Variants in PCNX2 observed in about 807,000 individuals in gnomAD.
PCNX2 encodes the protein pecanex-like protein 2.
Under a neutral mutation model 223.8 loss-of-function variants are expected in PCNX2, and 168 were observed. The observed-to-expected ratio is 0.75, with a 90% confidence interval of 0.66 to 0.85. The LOEUF (loss-of-function observed/expected upper bound fraction) is 0.85. PCNX2 is among the 40% of genes least tolerant of loss of function. The probability of loss-of-function intolerance (pLI) is 0.00; values close to 1 mark genes in which losing one functional copy is unlikely to be tolerated. For missense variants in PCNX2, 2,507 were observed against 2,675.5 expected, an observed-to-expected ratio of 0.94 and a Z score of 1.39; for synonymous variants, 1,006 against 1,052.6, an observed-to-expected ratio of 0.96 and a Z score of 0.86.
At chr1:233,172,541 GAGT>G (rs1351138046) in intron 17 of PCNX2, 42 of 985,292 alleles carry the variant, frequency 4.3e-5, no homozygotes, top group Non-Finnish European at 1.2e-6. Flanking sequence ...CTCACTCTGA[GAGT>G]GTGGCACTTT....
chr1:233,187,184 T>A (rs1010397128), intron 15 of PCNX2, among the ~76,000 whole-genome samples: 5 of 152,254 alleles, frequency 3.3e-5, no homozygotes, highest in African/African-American at 1.2e-4. Context: ...ACGTAGTTTT[T>A]AAAACACATC....
At chr1:233,240,102 A>G (rs1050630985) in intron 8 of PCNX2, among the ~76,000 whole-genome samples, 3 of 152,214 alleles carry the variant, frequency 2.0e-5, no homozygotes, top group Non-Finnish European at 4.4e-5. Flanking sequence ...GGAAATGGTT[A>G]CATGCTTACA....
At chr1:233,272,630 G>C (rs1354375384) in intron 1 of PCNX2, among the ~76,000 whole-genome samples, 1 of 152,154 alleles carries the variant, frequency 6.6e-6, no homozygotes, top group Non-Finnish European at 1.5e-5. Context: ...TGATCCAGCA[G>C]TCCCACTACT....
At chr1:233,112,708 T>TCGGTG in intron 21 of PCNX2, 1 of 736,172 alleles carries the variant, frequency 1.4e-6, no homozygotes, top group Non-Finnish European at 1.8e-6. Context: ...TGTGTAGATC[T>TCGGTG]TTGAACAATA....
rs756055087 is a variant in PCNX2, at chr1:232,986,178, C to T, written c.6154G>A (p.Gly2052Arg). The change falls in exon 33 of 34, where the codon GGG becomes AGG. Residue 2052 changes from glycine (G) to arginine (R), a missense_variant. Physicochemically the swap from Gly to Arg is moderately radical, Grantham distance 125 (BLOSUM62 -2). Coordinates refer to ENST00000258229, the MANE Select transcript of PCNX2 (RefSeq NM_014801.4). The part of the protein sequence containing the change: ...LVISGLSAAE[G>R]GNTSDTQSSS... ...GACTGGGTGTCACTGGTATTGCCCCCCTCCGCAGCAGAGAGTCCGGAAATG... is the reference window on the plus strand; with the variant it reads ...GACTGGGTGTCACTGGTATTGCCCCTCTCCGCAGCAGAGAGTCCGGAAATG... 1 of 1,563,158 alleles carries T rather than the reference C, an allele frequency of 6.4e-7. No individual in the cohort carries two copies. The highest frequency in any genetic ancestry group is 8.7e-7 in the Non-Finnish European group (1 of 1,153,006).
At chr1:233,010,233 T>A (rs1670420120) in intron 28 of PCNX2, among the ~76,000 whole-genome samples, 1 of 152,188 alleles carries the variant, frequency 6.6e-6, no homozygotes, top group Non-Finnish European at 1.5e-5. Flanking sequence ...GAAGAGAATA[T>A]TTCCTCAACA....
intron 17 of PCNX2, among the ~76,000 whole-genome samples, chr1:233,170,263 C>T (rs750640811): frequency 1.3e-5 from 2 of 152,152 alleles, no homozygotes; most frequent in Non-Finnish European, 2.9e-5. Context: ...CACACTCCCA[C>T]CAGCAATACA....
intron 21 of PCNX2, among the ~76,000 whole-genome samples, chr1:233,119,336 G>A (rs954734293): frequency 7.1e-6 from 1 of 140,034 alleles, no homozygotes; most frequent in African/African-American, 2.6e-5. Flanking sequence ...GAGGTGGGCG[G>A]ATCATGAGGT....
intron 1 of PCNX2, among the ~76,000 whole-genome samples, chr1:233,267,071 C>A (rs1185572763): frequency 1.3e-5 from 2 of 152,060 alleles, no homozygotes; most frequent in Admixed American, 1.3e-4. Flanking sequence ...GTAATCCCAG[C>A]ACTTTGGGAG....
At position 233,179,071 on chromosome 1, in the gene PCNX2, T is replaced by A; in HGVS notation, c.3171A>T (p.Val1057=). The change falls in exon 16 of 34, where the codon GTA becomes GTT. Residue 1057 remains valine, a synonymous_variant. Transcript: ENST00000258229. The part of the protein sequence containing the change: ...HLSRQSSDPS[V]LMSFIQCRLF... The stretch of plus-strand genomic sequence containing the variant: ...CACAGGCATAGACCACTCACATGAG[T>A]ACAGATGGGTCACTGCTCTGACGGC... 6.2e-7 allele frequency: 1 copy of A among 1,613,422 alleles called. No individual in the cohort carries two copies. The highest frequency in any genetic ancestry group is 8.5e-7 in the Non-Finnish European group (1 of 1,179,630).
intron 13 of PCNX2, among the ~76,000 whole-genome samples, chr1:233,201,309 C>T (rs1681099538): frequency 6.6e-6 from 1 of 151,934 alleles, no homozygotes. Flanking sequence ...AAGATTTCAA[C>T]TATATTGTAA....
chr1:233,165,411 A>C (rs1678731641), intron 17 of PCNX2, among the ~76,000 whole-genome samples: 1 of 152,158 alleles, frequency 6.6e-6, no homozygotes, highest in African/African-American at 2.4e-5. Flanking sequence ...CCAGGGATGC[A>C]GCCAAACATC....
chr1:233,259,043 G>A lies in PCNX2; in HGVS notation c.819C>T (p.Phe273=), dbSNP rs751193712. Residue 273 remains phenylalanine (F), a synonymous_variant, in exon 5 of 34, where the codon TTC becomes TTT. Transcript: ENST00000258229. ...CTGAATTCTCACTCCCCCACGGCTG[G>A]AAAGAAACGTCTGTTTCTAGTAAGT... ...QYDLLETDVS[F]QPWGSENSVL... is the part of the protein sequence containing the mutation. 8.9e-5 allele frequency: 143 copies of A among 1,613,992 alleles called. 2 individuals are homozygous for A. The South Asian group carries it at 1.5e-3, about 17-fold the overall frequency.
chr1:233,273,410 C>A (rs186648034), intron 1 of PCNX2, among the ~76,000 whole-genome samples: 78 of 152,108 alleles, frequency 5.1e-4, no homozygotes, highest in African/African-American at 1.9e-3. Flanking sequence ...AAGCTCCATG[C>A]CCACCTGCAG....
At chr1:233,013,039 G>A (rs559797091) in intron 28 of PCNX2, among the ~76,000 whole-genome samples, 2 of 152,194 alleles carry the variant, frequency 1.3e-5, no homozygotes, top group South Asian at 4.2e-4. Flanking sequence ...TTAGACCTGC[G>A]GCAATCATCA....
At chr1:233,221,515 T>A (rs1166710950) in intron 10 of PCNX2, among the ~76,000 whole-genome samples, 1 of 152,206 alleles carries the variant, frequency 6.6e-6, no homozygotes, top group African/African-American at 2.4e-5. Flanking sequence ...TCCCTCAGTT[T>A]CCTGTTTATC....
chr1:233,265,598 G>T (rs992116257), intron 1 of PCNX2, among the ~76,000 whole-genome samples: 7 of 152,142 alleles, frequency 4.6e-5, no homozygotes, highest in African/African-American at 9.7e-5. Flanking sequence ...GCGGAGCAAG[G>T]CCCCTATAAA....
At chr1:233,039,708 T>C (rs997356505) in intron 25 of PCNX2, among the ~76,000 whole-genome samples, 3 of 152,222 alleles carry the variant, frequency 2.0e-5, no homozygotes, top group African/African-American at 7.2e-5. Context: ...GCATAAACTT[T>C]GTAAGGCTAT....
chr1:233,072,655 A>T (rs1672907033), intron 23 of PCNX2, among the ~76,000 whole-genome samples: 3 of 152,194 alleles, frequency 2.0e-5, no homozygotes, highest in Non-Finnish European at 4.4e-5. Context: ...TGAAATGGTC[A>T]AGTGTGGTTT....
Sources: allele counts gnomAD v4.1 joint callset (sites outside exome capture counted in the v4.1 genomes callset), GRCh38; gene constraint gnomAD v4.1.1; transcripts MANE v1.5; gene names NCBI Gene and HGNC (gene_info 2026-07-23, HGNC 2026-07-21).